C1orf21: variants seen among roughly 807,000 people sequenced by gnomAD.
C1orf21 encodes chromosome 1 open reading frame 21.
In C1orf21, 3 loss-of-function variants were observed where a neutral mutation model predicts 18.7. The observed-to-expected ratio is 0.16, with a 90% confidence interval of 0.07 to 0.42. The LOEUF is 0.42. Ranked by LOEUF, C1orf21 falls within the 10% of genes least tolerant of loss-of-function variation. The pLI is 0.99. For synonymous variants in C1orf21, 41 were observed against 46.4 expected, an observed-to-expected ratio of 0.88 and a Z score of 0.47; for missense variants, 104 against 143.6, an observed-to-expected ratio of 0.72 and a Z score of 1.41.
At chr1:184,448,510 A>G (rs771675413) in intron 1 of C1orf21, among the ~76,000 whole-genome samples, 7 of 152,304 alleles carry the variant, frequency 4.6e-5, no homozygotes, top group South Asian at 2.1e-4. Context: ...ATTGCCCTGT[A>G]ATTGTTTGCA....
In C1orf21 at chr1:184,460,647, T is replaced by G. The variant is rs553535179; in HGVS notation, c.-124-16739T>G. On this transcript the variant is annotated intron_variant, in intron 1 of 5. Transcript: ENST00000235307. ...CTTCTTCTTCTTCTTCTTCTTCTTC[T>G]TCTTCTTCTTCTTCTTCTTCTTCTT... Among the ~76,000 whole-genome samples the G allele has an allele frequency of 6.4e-3, 950 of 147,468 alleles. 7 individuals carry two copies. The highest frequency in any genetic ancestry group is 0.017 in the Middle Eastern group (5 of 292).
chr1:184,490,524 T>C (rs1282951604), intron 2 of C1orf21, among the ~76,000 whole-genome samples: 1 of 152,146 alleles, frequency 6.6e-6, no homozygotes, highest in Non-Finnish European at 1.5e-5. Context: ...CAGGGGAGAC[T>C]GGGAAACTTT....
intron 3 of C1orf21, among the ~76,000 whole-genome samples, chr1:184,520,208 C>T (rs919181273): frequency 2.0e-5 from 3 of 152,078 alleles, no homozygotes; most frequent in Non-Finnish European, 2.9e-5. Context: ...GAGATGACTC[C>T]GTTTTTTGGT....
At chr1:184,517,123 G>A (rs1198535968) in intron 3 of C1orf21, among the ~76,000 whole-genome samples, 4 of 147,768 alleles carry the variant, frequency 2.7e-5, no homozygotes, top group Non-Finnish European at 4.5e-5. Context: ...GATCACGGTC[G>A]TCATATTACT....
At position 184,608,624 on chromosome 1, in the gene C1orf21, C is replaced by T. The variant is rs1659684758; in HGVS notation, c.327+10163C>T. On this transcript the variant is annotated intron_variant, in intron 5 of 5. Coordinates refer to ENST00000235307, the MANE Select transcript of C1orf21 (RefSeq NM_030806.4). ...AACCTGTGTTTCATAATTCAGTAAG[C>T]CGGATAGTACCCACGGATCAGTAGT... Among the ~76,000 whole-genome samples, 6 of 152,290 alleles carry T rather than the reference C, an allele frequency of 3.9e-5. No homozygotes were observed. The South Asian group carries it at 1.2e-3, about 32-fold the overall frequency.
chr1:184,597,203 T>G (rs1659528256), intron 4 of C1orf21, among the ~76,000 whole-genome samples: 1 of 152,256 alleles, frequency 6.6e-6, no homozygotes, highest in African/African-American at 2.4e-5. Context: ...TAAAGGGCAG[T>G]AAAATTACGT....
chr1:184,388,218 G>A (rs1029622468), intron 1 of C1orf21, among the ~76,000 whole-genome samples: 2 of 152,066 alleles, frequency 1.3e-5, no homozygotes, highest in Non-Finnish European at 2.9e-5. Context: ...CTCAGCACTC[G>A]TTCATTTCTC....
At chr1:184,450,017 G>A (rs528800924) in intron 1 of C1orf21, among the ~76,000 whole-genome samples, 2 of 152,172 alleles carry the variant, frequency 1.3e-5, no homozygotes, top group Non-Finnish European at 2.9e-5. Flanking sequence ...ACAAGACGGA[G>A]GGAGGTATTT....
At chr1:184,515,102 T>C (rs1163960059) in intron 3 of C1orf21, among the ~76,000 whole-genome samples, 1 of 152,208 alleles carries the variant, frequency 6.6e-6, no homozygotes, top group Non-Finnish European at 1.5e-5. Flanking sequence ...AAGGTATACC[T>C]ATAACCTCTT....
At chr1:184,597,946 C>T (rs1659538447) in intron 4 of C1orf21, among the ~76,000 whole-genome samples, 1 of 152,242 alleles carries the variant, frequency 6.6e-6, no homozygotes, top group South Asian at 2.1e-4. Flanking sequence ...CACCGGCCCA[C>T]ACCCATAGTC....
At chr1:184,438,752 T>C (rs1656899832) in intron 1 of C1orf21, among the ~76,000 whole-genome samples, 1 of 152,168 alleles carries the variant, frequency 6.6e-6, no homozygotes, top group Non-Finnish European at 1.5e-5. Flanking sequence ...ATTAAAAACC[T>C]CAGGCCCTTG....
rs146518673 is a variant in C1orf21 at position 184,525,079 on chromosome 1, T to C, written c.189+17397T>C. On this transcript the variant is annotated intron_variant, in intron 3 of 5. Transcript: ENST00000235307. The stretch of plus-strand genomic sequence containing the variant: ...ACATCATGTTTTTGCAGTATGGTGA[T>C]ATTTTGCATTGTTTAGGCAAAAATA... 3.0e-3 allele frequency among the ~76,000 whole-genome samples: 452 copies of C among 152,164 alleles called. 5 individuals carry two copies. Among genetic ancestry groups the C allele is most frequent in the African/African-American group, 0.01 (434 of 41,548 alleles).
chr1:184,436,891 A>G lies in C1orf21; in HGVS notation c.-124-40495A>G, dbSNP rs555013381. On this transcript the variant is annotated intron_variant, in intron 1 of 5. Coordinates refer to ENST00000235307, the MANE Select transcript of C1orf21 (RefSeq NM_030806.4). ...CATATGATCATTTCAGATACTGATA[A>G]CCAACCATATCAGTAAAGTCAACAA... is the stretch of plus-strand genomic sequence containing the variant. Among the ~76,000 whole-genome samples the G allele has an allele frequency of 2.3e-4, 35 of 152,296 alleles. No homozygotes were observed. In the South Asian group the frequency reaches 5.0e-3, roughly 22 times the overall value.
At chr1:184,460,181 T>C (rs1212716844) in intron 1 of C1orf21, among the ~76,000 whole-genome samples, 1 of 152,130 alleles carries the variant, frequency 6.6e-6, no homozygotes, top group African/African-American at 2.4e-5. Flanking sequence ...ATCCTGTTAG[T>C]AGGTGGTGAC....
chr1:184,548,535 A>T (rs932199545), intron 3 of C1orf21, among the ~76,000 whole-genome samples: 1 of 149,524 alleles, frequency 6.7e-6, no homozygotes, highest in African/African-American at 2.5e-5. Context: ...CCCATTGCAG[A>T]CTCCTTAGAG....
intron 3 of C1orf21, among the ~76,000 whole-genome samples, chr1:184,566,297 C>T (rs573636242): frequency 1.3e-4 from 20 of 152,298 alleles, no homozygotes; most frequent in African/African-American, 4.6e-4. Context: ...TAAACTGGGC[C>T]ATCTGCTGCC....
chr1:184,531,518 T>C (rs1458762802), intron 3 of C1orf21, among the ~76,000 whole-genome samples: 2 of 152,240 alleles, frequency 1.3e-5, no homozygotes, highest in South Asian at 2.1e-4. Flanking sequence ...TCCTTAAGAA[T>C]GAATAACAGC....
At chr1:184,439,186 A>G (rs1389441196) in intron 1 of C1orf21, among the ~76,000 whole-genome samples, 2 of 152,110 alleles carry the variant, frequency 1.3e-5, no homozygotes, top group African/African-American at 4.8e-5. Context: ...ACTCCAGCCT[A>G]GGTGACAGAG....
intron 5 of C1orf21, among the ~76,000 whole-genome samples, chr1:184,616,904 C>T (rs905174439): frequency 4.6e-5 from 7 of 152,218 alleles, no homozygotes; most frequent in South Asian, 2.1e-4. Context: ...TCATGTACAT[C>T]GGTTTCTGGC....
Sources: allele counts gnomAD v4.1 joint callset (sites outside exome capture counted in the v4.1 genomes callset), GRCh38; gene constraint gnomAD v4.1.1; transcripts MANE v1.5; gene names NCBI Gene and HGNC (gene_info 2026-07-23, HGNC 2026-07-21).